Variants in CCDC150 observed in about 807,000 individuals in gnomAD.
CCDC150 encodes coiled-coil domain-containing protein 150.
In CCDC150, 151 loss-of-function variants were observed where a neutral mutation model predicts 156.5. That is an observed-to-expected ratio of 0.97 (90% CI 0.85 to 1.10). The LOEUF (loss-of-function observed/expected upper bound fraction) is 1.10, where lower values mean the gene tolerates loss of function less well. Ranked by LOEUF, CCDC150 falls within the 50% of genes least tolerant of loss-of-function variation. The pLI is 0.00. For missense variants in CCDC150, 1,312 were observed against 1,268.1 expected (o/e 1.03, Z -0.53); for synonymous variants, 452 against 429.4 (o/e 1.05, Z -0.65).
intron 9 of CCDC150, 126 bp from the exon 10 acceptor site, chr2:196,674,115 G>C: frequency 1.8e-6 from 1 of 568,590 alleles, no homozygotes; most frequent in Non-Finnish European, 3.0e-6. Flanking sequence ...GTGAATTGAG[G>C]ATAGGTTAAA....
chr2:196,691,626 G>T (rs993446471), intron 13 of CCDC150, among the ~76,000 whole-genome samples: 3 of 151,630 alleles, frequency 2.0e-5, no homozygotes, highest in Non-Finnish European at 4.4e-5. Flanking sequence ...CTAGCTAGAA[G>T]TCTATCTATT....
rs547672187 is a variant in CCDC150 at position 196,672,386 on chromosome 2, A to G, written c.978A>G (p.Ala326=). 5 of 1,550,240 alleles carry G rather than the reference A, an allele frequency of 3.2e-6. 1 individual carries two copies. The South Asian group carries it at 3.8e-5, about 12-fold the overall frequency. ...ISFNKEHEEN[A]YLRSEIMSLH... ...TCAACAAGGAACATGAAGAAAATGCATATTTGAGGTCCGAAATAATGTCTC... is the reference window on the plus strand; with the variant it reads ...TCAACAAGGAACATGAAGAAAATGCGTATTTGAGGTCCGAAATAATGTCTC... The change falls in exon 9 of 28, where the codon GCA becomes GCG. Residue 326 remains alanine (A), a synonymous_variant. Coordinates refer to ENST00000389175, the MANE Select transcript of CCDC150 (RefSeq NM_001080539.2).
At chr2:196,684,779 A>G (rs1278910283) in intron 13 of CCDC150, among the ~76,000 whole-genome samples, 1 of 152,024 alleles carries the variant, frequency 6.6e-6, no homozygotes, top group Admixed American at 6.6e-5. Flanking sequence ...ATGAGTAAAC[A>G]CTTTTTCAGT....
chr2:196,648,309 A>G (rs979712644), intron 2 of CCDC150, among the ~76,000 whole-genome samples: 1 of 151,836 alleles, frequency 6.6e-6, no homozygotes, highest in Non-Finnish European at 1.5e-5. Flanking sequence ...GTTATCTTTC[A>G]TCTTTTTGAT....
intron 9 of CCDC150, among the ~76,000 whole-genome samples, chr2:196,673,797 A>G (rs1216595326): frequency 2.6e-5 from 4 of 152,168 alleles, no homozygotes; most frequent in African/African-American, 9.6e-5. Flanking sequence ...CGTGATGGTA[A>G]AATCATCTAT....
intron 15 of CCDC150, among the ~76,000 whole-genome samples, chr2:196,706,607 G>A (rs544542388): frequency 2.6e-5 from 4 of 152,314 alleles, no homozygotes; most frequent in African/African-American, 4.8e-5. Flanking sequence ...CAAAGGAAAT[G>A]CTTTCAGTTT....
chr2:196,730,433 C>T (rs1180719742), intron 25 of CCDC150, among the ~76,000 whole-genome samples: 2 of 152,194 alleles, frequency 1.3e-5, no homozygotes, highest in Non-Finnish European at 2.9e-5. Context: ...GAACTTTGTA[C>T]ACCTCGTTTC....
chr2:196,642,776 G>T (rs992656115), intron 1 of CCDC150, among the ~76,000 whole-genome samples: 2 of 152,108 alleles, frequency 1.3e-5, no homozygotes, highest in Non-Finnish European at 2.9e-5. Context: ...GTCTTGCTTT[G>T]TCACCCAGGC....
intron 22 of CCDC150, 163 bp downstream of exon 22, chr2:196,726,262 A>G (rs1698202237): frequency 2.9e-6 from 2 of 697,576 alleles, no homozygotes; most frequent in Admixed American, 6.2e-5. Context: ...ACACAAGAAA[A>G]AAGTTTCTGA....
chr2:196,713,308 A>C, intron 17 of CCDC150: 3 of 1,425,738 alleles, frequency 2.1e-6, no homozygotes, highest in Non-Finnish European at 2.8e-6. Flanking sequence ...ATTCCTTGAA[A>C]AATAACTCTA....
At chr2:196,681,633 T>G (rs1694826433) in intron 13 of CCDC150, among the ~76,000 whole-genome samples, 3 of 152,110 alleles carry the variant, frequency 2.0e-5, no homozygotes, top group African/African-American at 7.2e-5. Context: ...CACAAACACT[T>G]ATTTTGTGTT....
chr2:196,712,341 T>TC, intron 16 of CCDC150, 89 bp downstream of exon 16: 1 of 706,484 alleles, frequency 1.4e-6, no homozygotes, highest in Non-Finnish European at 2.3e-6. Context: ...TACCACACAA[T>TC]CCCAGAAAGA....
At chr2:196,654,374 G>C (rs756793036) in intron 2 of CCDC150, among the ~76,000 whole-genome samples, 10 of 151,168 alleles carry the variant, frequency 6.6e-5, no homozygotes, top group Non-Finnish European at 1.2e-4. Context: ...CAATTTTGAT[G>C]ATGGCATATT....
chr2:196,657,860 A>G (rs1361512205), intron 4 of CCDC150, among the ~76,000 whole-genome samples: 2 of 152,218 alleles, frequency 1.3e-5, no homozygotes, highest in African/African-American at 4.8e-5. Context: ...GTCCAAGATC[A>G]GACATACCTG....
intron 26 of CCDC150, 142 bp from the exon 27 acceptor site, chr2:196,731,891 A>G: frequency 1.5e-6 from 1 of 669,804 alleles, no homozygotes. Context: ...GATGTTAAGT[A>G]TATTATGCAA....
intron 5 of CCDC150, among the ~76,000 whole-genome samples, chr2:196,664,437 A>G (rs1374034217): frequency 6.6e-6 from 1 of 152,234 alleles, no homozygotes; most frequent in East Asian, 1.9e-4. Flanking sequence ...GTTATAGAGG[A>G]TATTACAAAA....
intron 8 of CCDC150, among the ~76,000 whole-genome samples, chr2:196,671,767 G>C (rs1694218775): frequency 6.6e-6 from 1 of 152,050 alleles, no homozygotes; most frequent in Non-Finnish European, 1.5e-5. Context: ...ATATTCCTTT[G>C]TCTGGATATA....
At chr2:196,650,602 C>T (rs1026793478) in intron 2 of CCDC150, among the ~76,000 whole-genome samples, 1 of 152,190 alleles carries the variant, frequency 6.6e-6, no homozygotes. Flanking sequence ...CCATGTTGGT[C>T]AGGCTGATCT....
chr2:196,702,343 CTGTG>C (rs3220631), intron 15 of CCDC150, among the ~76,000 whole-genome samples: 17,126 of 143,704 alleles, frequency 0.12, 1,053 homozygotes, highest in Middle Eastern at 0.18. Flanking sequence ...GACTGAAGTG[CTGTG>C]TGTGTGTGTG....
Sources: allele counts gnomAD v4.1 joint callset (sites outside exome capture counted in the v4.1 genomes callset), GRCh38; gene constraint gnomAD v4.1.1; transcripts MANE v1.5; gene names NCBI Gene and HGNC (gene_info 2026-07-23, HGNC 2026-07-21).